The following CDKAL1 variants were observed in gnomAD, a reference collection of about 807,000 sequenced individuals.
The protein encoded by CDKAL1 is threonylcarbamoyladenosine tRNA methylthiotransferase.
In CDKAL1, 32 loss-of-function variants were observed where a neutral mutation model predicts 68.2. The observed-to-expected ratio is 0.47, with a 90% confidence interval of 0.35 to 0.63. The LOEUF (loss-of-function observed/expected upper bound fraction) is 0.63. Among genes scored for constraint, CDKAL1 ranks in the 30% least tolerant of loss-of-function variants. CDKAL1 has a pLI of 0.00. For missense variants in CDKAL1, 606 were observed against 696.7 expected, an observed-to-expected ratio of 0.87 and a Z score of 1.47; for synonymous variants, 234 against 244.3, an observed-to-expected ratio of 0.96 and a Z score of 0.39.
At chr6:20,748,555 GAAAAAAAAAAAAAAA>G (rs760404728) in intron 6 of CDKAL1, among the ~76,000 whole-genome samples, 5 of 28,742 alleles carry the variant, frequency 1.7e-4, no homozygotes, top group African/African-American at 4.6e-4. Flanking sequence ...TCTGTTTCTG[GAAAAAAAAAAAAAAA>G]AAAAAAAAAA....
chr6:21,054,425 A>G (rs7748652), intron 11 of CDKAL1, among the ~76,000 whole-genome samples: 27,633 of 151,800 alleles, frequency 0.18, 2,617 homozygotes, highest in Middle Eastern at 0.24. Context: ...AATTGTTCTG[A>G]TTATTTCAAG....
chr6:20,903,352 A>T (rs1321060628), intron 9 of CDKAL1, among the ~76,000 whole-genome samples: 2 of 152,206 alleles, frequency 1.3e-5, no homozygotes, highest in African/African-American at 2.4e-5. Flanking sequence ...GTGCTGCTGG[A>T]ATTGGTAAGC....
At chr6:21,218,728 A>G (rs1779427864) in intron 15 of CDKAL1, among the ~76,000 whole-genome samples, 1 of 150,474 alleles carries the variant, frequency 6.6e-6, no homozygotes, top group Non-Finnish European at 1.5e-5. Context: ...GCAAGCAAGC[A>G]GAGAGAGAGA....
At chr6:20,555,697 G>A (rs1032247226) in intron 4 of CDKAL1, among the ~76,000 whole-genome samples, 2 of 135,882 alleles carry the variant, frequency 1.5e-5, no homozygotes, top group South Asian at 2.5e-4. Flanking sequence ...ATCTTAGCTC[G>A]CTGCAAGCTC....
chr6:21,215,801 C>A (rs1169094532), intron 15 of CDKAL1, among the ~76,000 whole-genome samples: 7 of 152,152 alleles, frequency 4.6e-5, no homozygotes, highest in African/African-American at 9.7e-5. Context: ...TAATGCCCCC[C>A]ACTTCACCCC....
chr6:20,628,052 T>C (rs963998816), intron 4 of CDKAL1, among the ~76,000 whole-genome samples: 2 of 152,170 alleles, frequency 1.3e-5, no homozygotes, highest in African/African-American at 4.8e-5. Context: ...GAGACAGTTT[T>C]ATTTGTTCAT....
At position 21,135,887 on chromosome 6, in the gene CDKAL1, G is replaced by A. The variant is rs146800720; in HGVS notation, c.1299+27424G>A. ...CCTGACAGCTTTCCTCTCCCTCCAC[G>A]AGTCGTCAGTAGACTTTGATTAGAA... On this transcript the variant is annotated intron_variant, in intron 13 of 15. Coordinates refer to ENST00000274695, the MANE Select transcript of CDKAL1 (RefSeq NM_017774.3). 100 of 154,700 alleles carry A rather than the reference G, an allele frequency of 6.5e-4. 1 individual carries two copies. Among genetic ancestry groups the A allele is most frequent in the African/African-American group, 2.3e-3 (96 of 41,620 alleles). The allele number at this position is 154,700 out of a possible 1,614,324, so 9.6% of individuals were successfully genotyped here.
chr6:21,174,737 T>C (rs1264350672), intron 13 of CDKAL1, among the ~76,000 whole-genome samples: 4 of 12,966 alleles, frequency 3.1e-4, no homozygotes, highest in Non-Finnish European at 5.1e-4. Flanking sequence ...AATTTAACTA[T>C]ATATATATAT....
chr6:20,813,832 A>G (rs562728457), intron 8 of CDKAL1, among the ~76,000 whole-genome samples: 1 of 152,292 alleles, frequency 6.6e-6, no homozygotes, highest in South Asian at 2.1e-4. Flanking sequence ...CACGGAGTTG[A>G]TAAGTGTTGC....
At chr6:20,906,757 G>A (rs1762247471) in intron 9 of CDKAL1, among the ~76,000 whole-genome samples, 2 of 152,134 alleles carry the variant, frequency 1.3e-5, no homozygotes, top group South Asian at 4.1e-4. Flanking sequence ...AAAGAAGGCA[G>A]TAATATGGAA....
At position 20,672,066 on chromosome 6, in the gene CDKAL1, G is replaced by A. The variant is rs9465861; in HGVS notation, c.371+22689G>A. Among the ~76,000 whole-genome samples the A allele has an allele frequency of 7.2e-3, 1,090 of 152,136 alleles. 15 individuals are homozygous for A. Among genetic ancestry groups the A allele is most frequent in the African/African-American group, 0.024 (1,006 of 41,512 alleles). ...TATTCCATCTACGCTGTTTGCAAAG[G>A]AAGTTTTATTTATATTATAGTTTGA... is the stretch of plus-strand genomic sequence containing the variant. On this transcript the variant is annotated intron_variant, in intron 5 of 15. Coordinates refer to ENST00000274695, the MANE Select transcript of CDKAL1 (RefSeq NM_017774.3).
intron 9 of CDKAL1, among the ~76,000 whole-genome samples, chr6:20,923,059 A>G (rs890136020): frequency 6.6e-6 from 1 of 152,208 alleles, no homozygotes; most frequent in African/African-American, 2.4e-5. Flanking sequence ...GGAGAAAAGC[A>G]TCTGCATATA....
At chr6:20,655,760 G>A (rs930053560) in intron 5 of CDKAL1, among the ~76,000 whole-genome samples, 3 of 152,112 alleles carry the variant, frequency 2.0e-5, no homozygotes, top group Non-Finnish European at 4.4e-5. Flanking sequence ...AAATGTTGGG[G>A]GGACCGCTGC....
intron 13 of CDKAL1, among the ~76,000 whole-genome samples, chr6:21,144,928 G>C (rs1029582487): frequency 6.6e-6 from 1 of 152,174 alleles, no homozygotes; most frequent in Non-Finnish European, 1.5e-5. Flanking sequence ...TCTGCTTGAA[G>C]TATTCTTATT....
intron 8 of CDKAL1, among the ~76,000 whole-genome samples, chr6:20,807,073 A>G (rs1471000955): frequency 1.3e-5 from 2 of 152,218 alleles, no homozygotes; most frequent in African/African-American, 4.8e-5. Context: ...TTTACTCATG[A>G]AGACTTAGCC....
At chr6:20,900,123 C>G (rs1207895454) in intron 9 of CDKAL1, among the ~76,000 whole-genome samples, 2 of 152,046 alleles carry the variant, frequency 1.3e-5, no homozygotes, top group East Asian at 1.9e-4. Context: ...CCCGTAATAA[C>G]TTTTATTGAG....
At chr6:20,794,231 C>T (rs187891549) in intron 8 of CDKAL1, among the ~76,000 whole-genome samples, 1 of 151,978 alleles carries the variant, frequency 6.6e-6, no homozygotes, top group African/African-American at 2.4e-5. Context: ...TATTAAAAGC[C>T]TCTTTTTTTG....
intron 4 of CDKAL1, among the ~76,000 whole-genome samples, chr6:20,612,242 AT>A (rs201068710): frequency 2.0e-5 from 3 of 151,500 alleles, no homozygotes; most frequent in Non-Finnish European, 2.9e-5. Flanking sequence ...TGATAAACTG[AT>A]TTTTTTTTCC....
chr6:20,756,907 CCTT>C (rs1774226493), intron 6 of CDKAL1: 5 of 66,100 alleles, frequency 7.6e-5, no homozygotes, highest in Non-Finnish European at 7.4e-5. Flanking sequence ...TTCCTTCCTT[CCTT>C]CCTTCCTTCC....
Sources: gnomAD v4.1 joint callset for allele counts (sites outside exome capture counted in the v4.1 genomes callset) on GRCh38, gnomAD v4.1.1 for gene constraint, MANE v1.5 for transcripts, NCBI Gene and HGNC (gene_info 2026-07-23, HGNC 2026-07-21) for gene names.